The following ZBTB16 variants were observed in gnomAD, a reference collection of about 807,000 sequenced individuals.
The protein encoded by ZBTB16 is zinc finger and BTB domain-containing protein 16.
In ZBTB16, 8 loss-of-function variants were observed where a neutral mutation model predicts 56.8. The observed-to-expected ratio is 0.14, with a 90% CI of 0.08 to 0.25. The LOEUF is 0.25. ZBTB16 is among the 10% of genes least tolerant of loss of function. The pLI is 1.00. For missense variants in ZBTB16, 625 were observed against 903.0 expected (o/e 0.69, Z 3.95); for synonymous variants, 363 against 368.5 (o/e 0.98, Z 0.17).
rs553730736 is a variant in ZBTB16, at chr11:114,217,779, T to C, written c.1454-24388T>C. 8.8e-4 allele frequency among the ~76,000 whole-genome samples: 133 copies of C among 151,848 alleles called. 1 individual carries two copies. Among genetic ancestry groups the C allele is most frequent in the Non-Finnish European group, 3.7e-4 (25 of 67,936 alleles). On this transcript the variant is annotated intron_variant, in intron 4 of 6. Coordinates refer to ENST00000335953, the MANE Select transcript of ZBTB16 (RefSeq NM_006006.6). ...CAGAACACCATGGTGGGGATGAGAG[T>C]TGGGGCAAAGGGCACTGCTCAGCAG...
intron 2 of ZBTB16, among the ~76,000 whole-genome samples, chr11:114,105,975 A>G (rs1940773973): frequency 6.6e-6 from 1 of 152,242 alleles, no homozygotes; most frequent in Non-Finnish European, 1.5e-5. Context: ...AATTAACTCA[A>G]GAATGCAATT....
chr11:114,062,174 G>A (rs903241663), intron 1 of ZBTB16, among the ~76,000 whole-genome samples: 4 of 151,752 alleles, frequency 2.6e-5, no homozygotes, highest in Non-Finnish European at 5.9e-5. Context: ...CACAATCTCG[G>A]CTCACGGCAA....
chr11:114,197,462 T>C (rs1003601734), intron 4 of ZBTB16, among the ~76,000 whole-genome samples: 1 of 152,186 alleles, frequency 6.6e-6, no homozygotes, highest in African/African-American at 2.4e-5. Context: ...TTTGTCTCTC[T>C]CTCTCTCTTT....
At chr11:114,078,343 T>G (rs1470298064) in intron 2 of ZBTB16, among the ~76,000 whole-genome samples, 1 of 152,224 alleles carries the variant, frequency 6.6e-6, no homozygotes, top group East Asian at 1.9e-4. Flanking sequence ...TGTTGGCTGG[T>G]AAGCAATTGA....
chr11:114,082,960 C>T (rs1939822963), intron 2 of ZBTB16, among the ~76,000 whole-genome samples: 1 of 152,252 alleles, frequency 6.6e-6, no homozygotes, highest in African/African-American at 2.4e-5. Flanking sequence ...TGTCTGCAAA[C>T]CGACAGTGGC....
intron 4 of ZBTB16, among the ~76,000 whole-genome samples, chr11:114,206,634 C>T (rs1271706720): frequency 6.6e-6 from 1 of 152,256 alleles, no homozygotes; most frequent in Non-Finnish European, 1.5e-5. Flanking sequence ...CTGTTCTAAG[C>T]ATTCTGTACA....
chr11:114,149,277 G>A (rs964324453), intron 2 of ZBTB16, among the ~76,000 whole-genome samples: 1 of 152,116 alleles, frequency 6.6e-6, no homozygotes, highest in Admixed American at 6.5e-5. Context: ...TCAGCCCGAT[G>A]TATATATATG....
At chr11:114,154,408 TA>T (rs544364389) in intron 2 of ZBTB16, among the ~76,000 whole-genome samples, 45 of 152,250 alleles carry the variant, frequency 3.0e-4, no homozygotes, top group African/African-American at 1.0e-3. Flanking sequence ...CCAAACCCCT[TA>T]TGAATAGAGC....
Position 114,212,564 on chromosome 11 carries a change from C to G in ZBTB16, c.1453+25526C>G, listed in dbSNP as rs1167997080. Among the ~76,000 whole-genome samples the G allele has an allele frequency of 2.0e-5, 3 of 152,216 alleles. No individual in the cohort carries two copies. The East Asian group carries it at 5.8e-4, about 29-fold the overall frequency. ...AGCCTTGACAGGTGAAAAGACTTCG[C>G]TATAGAGTCACACAGCTACACAGTT... On this transcript the variant is annotated intron_variant, in intron 4 of 6. Transcript: ENST00000335953.
chr11:114,141,218 G>A (rs1941937236), intron 2 of ZBTB16, among the ~76,000 whole-genome samples: 1 of 152,162 alleles, frequency 6.6e-6, no homozygotes, highest in African/African-American at 2.4e-5. Context: ...TCTCATCCAA[G>A]GCTTTTCCAT....
intron 4 of ZBTB16, among the ~76,000 whole-genome samples, chr11:114,235,791 CT>C (rs576028880): frequency 1.1e-3 from 122 of 115,278 alleles, no homozygotes; most frequent in Middle Eastern, 8.7e-3. Context: ...CTTCCTTCTC[CT>C]TTTTTTTTTT....
intron 4 of ZBTB16, among the ~76,000 whole-genome samples, chr11:114,226,781 A>G (rs1944335033): frequency 6.6e-6 from 1 of 152,148 alleles, no homozygotes; most frequent in Non-Finnish European, 1.5e-5. Flanking sequence ...AAACTGATTT[A>G]TAGAATCAGG....
intron 2 of ZBTB16, among the ~76,000 whole-genome samples, chr11:114,102,202 G>A (rs556913989): frequency 4.6e-5 from 7 of 152,186 alleles, no homozygotes; most frequent in African/African-American, 9.6e-5. Flanking sequence ...CTTGTTCTCA[G>A]TAGCTATTTA....
chr11:114,127,927 C>T (rs879723720), intron 2 of ZBTB16, among the ~76,000 whole-genome samples: 8 of 152,170 alleles, frequency 5.3e-5, no homozygotes, highest in Admixed American at 2.6e-4. Context: ...ATCTTGGTGC[C>T]GTCTCCCCCT....
At chr11:114,243,858 C>G (rs1944763106) in intron 5 of ZBTB16, among the ~76,000 whole-genome samples, 2 of 152,178 alleles carry the variant, frequency 1.3e-5, no homozygotes, top group Non-Finnish European at 2.9e-5. Context: ...CTGCTCTGAC[C>G]ATGCCACCTT....
At chr11:114,105,393 C>G (rs891035222) in intron 2 of ZBTB16, among the ~76,000 whole-genome samples, 1 of 152,102 alleles carries the variant, frequency 6.6e-6, no homozygotes, top group Non-Finnish European at 1.5e-5. Flanking sequence ...GGCATTGCCA[C>G]TACGCCCAGC....
chr11:114,174,791 C>T (rs1943064443), intron 3 of ZBTB16, among the ~76,000 whole-genome samples: 1 of 152,178 alleles, frequency 6.6e-6, no homozygotes, highest in South Asian at 2.1e-4. Context: ...GCTGTACAAG[C>T]CCTGTAGATG....
chr11:114,202,757 G>C (rs866020160), intron 4 of ZBTB16, among the ~76,000 whole-genome samples: 1 of 152,204 alleles, frequency 6.6e-6, no homozygotes, highest in Non-Finnish European at 1.5e-5. Context: ...GAGCCCCGGG[G>C]TGAGGGGGCA....
intron 2 of ZBTB16, among the ~76,000 whole-genome samples, chr11:114,105,723 T>G (rs1450993622): frequency 4.6e-5 from 7 of 152,240 alleles, no homozygotes; most frequent in Non-Finnish European, 1.5e-5. Flanking sequence ...TGCTGTTCTC[T>G]TCTCCTCCTC....
Sources: gnomAD v4.1 joint callset for allele counts (sites outside exome capture counted in the v4.1 genomes callset) on GRCh38, gnomAD v4.1.1 for gene constraint, MANE v1.5 for transcripts, NCBI Gene and HGNC (gene_info 2026-07-23, HGNC 2026-07-21) for gene names.